The following CCDC141 variants were observed in gnomAD, a reference collection of about 807,000 sequenced individuals.
CCDC141 encodes the protein coiled-coil domain containing 141.
A neutral mutation model predicts 181.0 loss-of-function variants in CCDC141; 168 were observed. That is an observed-to-expected ratio of 0.93 (90% CI 0.82 to 1.05). The LOEUF (loss-of-function observed/expected upper bound fraction) is 1.05, where lower values mean the gene tolerates loss of function less well. Among genes scored for constraint, CCDC141 ranks in the 50% least tolerant of loss-of-function variants. The pLI is 0.00. For synonymous variants in CCDC141, 666 were observed against 642.3 expected, an observed-to-expected ratio of 1.04 and a Z score of -0.56; for missense variants, 1,902 against 1,788.5, an observed-to-expected ratio of 1.06 and a Z score of -1.14.
chr2:178,863,776 A>G, intron 17 of CCDC141, among the ~76,000 whole-genome samples: 1 of 152,256 alleles, frequency 6.6e-6, no homozygotes, highest in Non-Finnish European at 1.5e-5. Context: ...ATGAAAGATT[A>G]ACTGGATCAG....
At chr2:178,903,563 A>G (rs1687810633) in intron 8 of CCDC141, among the ~76,000 whole-genome samples, 1 of 132,568 alleles carries the variant, frequency 7.5e-6, no homozygotes, top group East Asian at 2.4e-4. Context: ...CAATGAGAAC[A>G]CATGGACACA....
At chr2:178,844,336 C>T (rs1027127825) in intron 22 of CCDC141, among the ~76,000 whole-genome samples, 2 of 152,120 alleles carry the variant, frequency 1.3e-5, no homozygotes, top group African/African-American at 2.4e-5. Context: ...ATAATAGATG[C>T]TACTGGCATC....
intron 11 of CCDC141, among the ~76,000 whole-genome samples, chr2:178,881,595 G>C (rs6716304): frequency 2.6e-5 from 4 of 151,880 alleles, no homozygotes; most frequent in African/African-American, 9.7e-5. Context: ...CAAGTGGAAG[G>C]GTTGAAACAG....
chr2:178,983,233 A>G (rs1691527165), intron 2 of CCDC141, among the ~76,000 whole-genome samples: 1 of 152,132 alleles, frequency 6.6e-6, no homozygotes, highest in Non-Finnish European at 1.5e-5. Flanking sequence ...AGGGTACTCC[A>G]ACAGACCTGC....
chr2:179,014,428 A>G (rs762746448), intron 2 of CCDC141, among the ~76,000 whole-genome samples: 1 of 152,164 alleles, frequency 6.6e-6, no homozygotes, highest in Non-Finnish European at 1.5e-5. Flanking sequence ...GCTGGGACCT[A>G]ATGAAACTTA....
chr2:178,907,348 C>G (rs1236451952), intron 7 of CCDC141, among the ~76,000 whole-genome samples: 2 of 152,126 alleles, frequency 1.3e-5, no homozygotes, highest in African/African-American at 2.4e-5. Context: ...GGATTTATAC[C>G]CAATTTCCTG....
intron 3 of CCDC141, among the ~76,000 whole-genome samples, chr2:178,976,157 CT>C (rs1559020213): frequency 6.6e-6 from 1 of 152,112 alleles, no homozygotes; most frequent in African/African-American, 2.4e-5. Flanking sequence ...CACAGTATGT[CT>C]ATAGTGGTAG....
chr2:178,932,938 G>A (rs1462860954), intron 6 of CCDC141, among the ~76,000 whole-genome samples: 1 of 152,008 alleles, frequency 6.6e-6, no homozygotes, highest in East Asian at 1.9e-4. Flanking sequence ...TTTAAACTGA[G>A]CTCTTTCCTT....
intron 2 of CCDC141, chr2:179,002,455 C>T: frequency 2.5e-6 from 1 of 394,130 alleles, no homozygotes; most frequent in Non-Finnish European, 5.1e-6. Context: ...CACTTGGGGC[C>T]CAAAAGAGCT....
intron 2 of CCDC141, among the ~76,000 whole-genome samples, chr2:178,979,315 A>G (rs1337002756): frequency 6.6e-6 from 1 of 152,228 alleles, no homozygotes; most frequent in South Asian, 2.1e-4. Context: ...AAATAAAGGC[A>G]TAATTTTTAA....
At chr2:178,869,057 T>A (rs934661710) in intron 15 of CCDC141, 60 bp downstream of exon 15, 14 of 1,239,846 alleles carry the variant, frequency 1.1e-5, no homozygotes, top group Non-Finnish European at 1.3e-5. Flanking sequence ...ATATAATAAT[T>A]CATTTTTAAT....
At chr2:178,888,118 G>T (rs981583821) in intron 9 of CCDC141, among the ~76,000 whole-genome samples, 1 of 152,070 alleles carries the variant, frequency 6.6e-6, no homozygotes, top group African/African-American at 2.4e-5. Flanking sequence ...CATAATATTT[G>T]GGATCTGTCT....
intron 2 of CCDC141, among the ~76,000 whole-genome samples, chr2:179,015,744 T>TCA (rs2042504640): frequency 1.3e-4 from 7 of 52,426 alleles, no homozygotes; most frequent in Admixed American, 3.3e-4. Flanking sequence ...TATATATATC[T>TCA]TATATATATC....
chr2:178,859,536 T>G lies in CCDC141; in HGVS notation c.2725-3139A>C, dbSNP rs148537321. 4.3e-4 allele frequency among the ~76,000 whole-genome samples: 65 copies of G among 152,108 alleles called. 4 individuals carry two copies. In the East Asian group the frequency reaches 0.012, roughly 29 times the overall value. ...ACCCCAAGCTTGGGGTGAGAAAAAGTTTACCCTGTTAGAAATCTTGAAATG... is the reference window on the plus strand; with the variant it reads ...ACCCCAAGCTTGGGGTGAGAAAAAGGTTACCCTGTTAGAAATCTTGAAATG... On this transcript the variant is annotated intron_variant, in intron 17 of 23. Coordinates refer to ENST00000443758, the MANE Select transcript of CCDC141 (RefSeq NM_173648.4).
intron 5 of CCDC141, among the ~76,000 whole-genome samples, chr2:178,958,661 G>A (rs1247915396): frequency 1.3e-5 from 2 of 151,792 alleles, no homozygotes; most frequent in African/African-American, 2.4e-5. Flanking sequence ...GCATGTGGCT[G>A]GGTTAGAATG....
chr2:178,847,941 C>T (rs1283355119), intron 21 of CCDC141, among the ~76,000 whole-genome samples: 5 of 152,174 alleles, frequency 3.3e-5, no homozygotes, highest in Non-Finnish European at 5.9e-5. Context: ...TCACTAGACA[C>T]CAAATCTGCC....
chr2:179,041,284 GT>G (rs367899859), intron 2 of CCDC141, among the ~76,000 whole-genome samples: 264 of 152,052 alleles, frequency 1.7e-3, no homozygotes, highest in South Asian at 0.017. Flanking sequence ...TAGAGACGGG[GT>G]TTCACCATGT....
intron 2 of CCDC141, among the ~76,000 whole-genome samples, chr2:179,020,408 GCTT>G (rs2042663791): frequency 6.6e-6 from 1 of 152,086 alleles, no homozygotes; most frequent in Admixed American, 6.6e-5. Flanking sequence ...CCAGTCTTAG[GCTT>G]ACCTAGAAAT....
intron 17 of CCDC141, among the ~76,000 whole-genome samples, chr2:178,859,289 T>C (rs146148372): frequency 6.6e-6 from 1 of 152,348 alleles, no homozygotes; most frequent in East Asian, 1.9e-4. Context: ...TTGCCATTCT[T>C]AATTTTCTTA....
Sources: gnomAD v4.1 joint callset for allele counts (sites outside exome capture counted in the v4.1 genomes callset) on GRCh38, gnomAD v4.1.1 for gene constraint, MANE v1.5 for transcripts, NCBI Gene and HGNC (gene_info 2026-07-23, HGNC 2026-07-21) for gene names.